The following NUMBL variants were observed in gnomAD, a reference collection of about 807,000 sequenced individuals.
NUMBL encodes the protein NUMB like endocytic adaptor protein.
A neutral mutation model predicts 48.9 loss-of-function variants in NUMBL; 20 were observed. That is an observed-to-expected ratio of 0.41 (90% CI 0.29 to 0.59). The LOEUF (loss-of-function observed/expected upper bound fraction) is 0.59. Among genes scored for constraint, NUMBL ranks in the 20% least tolerant of loss-of-function variants. NUMBL has a pLI of 0.31. For synonymous variants in NUMBL, 340 were observed against 348.7 expected (o/e 0.98, Z 0.28); for missense variants, 660 against 846.2 (o/e 0.78, Z 2.73).
rs1454600031 is a variant in NUMBL at position 40,673,336 on chromosome 19, G to A, written c.1036+8C>T. 1.2e-6 allele frequency: 2 copies of A among 1,605,406 alleles called. No homozygotes were observed. Among genetic ancestry groups the A allele is most frequent in the Admixed American group, 1.7e-5 (1 of 59,442 alleles). On this transcript the variant is annotated splice_region_variant and intron_variant, in intron 8 of 9. Transcript: ENST00000252891. The surrounding 1 kb of genome is among the most constrained non-coding windows in gnomAD (Gnocchi z 5.9). The stretch of plus-strand genomic sequence containing the variant: ...CCAACGCCGTTTCCCACTGGGCCCA[G>A]GGCTCACCTGTGCCCTTCACCTGGA...
chr19:40,667,393 G>C lies in NUMBL; in HGVS notation c.*75C>G. ...GAGGGGCGCAGCCCCAGGGAGCAGG[G>C]TTAGGGGAGAGGTTGTGCCTCCACC... On this transcript the variant is annotated 3_prime_UTR_variant, in exon 10 of 10. Coordinates refer to ENST00000252891, the MANE Select transcript of NUMBL (RefSeq NM_004756.5). This position sits in a 1 kb window ranked among gnomAD's most constrained non-coding sequence, Gnocchi z 6.1. 6.4e-7 allele frequency: 1 copy of C among 1,554,794 alleles called. No homozygotes were observed. Among genetic ancestry groups the C allele is most frequent in the Middle Eastern group, 2.2e-4 (1 of 4,504 alleles).
chr19:40,667,540 G>C lies in NUMBL; in HGVS notation c.1758C>G (p.Gly586=). ...PFEAQWAALE[G]KATVEKPSNP... is the part of the protein sequence containing the mutation. ...TGGAGGGTTTCTCTACAGTGGCTTT[G>C]CCTTCTAATGCCGCCCACTGGGCCT... Residue 586 remains glycine, a synonymous_variant, in exon 10 of 10, where the codon GGC becomes GGG. Transcript: ENST00000252891. The surrounding 1 kb of genome is among the most constrained non-coding windows in gnomAD (Gnocchi z 6.1). The C allele has an allele frequency of 6.4e-7, 1 of 1,568,898 alleles. No individual in the cohort carries two copies. Among genetic ancestry groups the C allele is most frequent in the Non-Finnish European group, 8.6e-7 (1 of 1,156,286 alleles).
In NUMBL at chr19:40,687,968, G is replaced by GC. The variant is rs1198150340; in HGVS notation, c.25-974dup. On this transcript the variant is annotated intron_variant, in intron 1 of 9. Transcript: ENST00000252891. This position sits in a 1 kb window ranked among gnomAD's most constrained non-coding sequence, Gnocchi z 4.6. The stretch of plus-strand genomic sequence containing the variant: ...TCATAGGTGCTCAAATCTGGTCACA[G>GC]CATCAGTCACACAGTCTATTGTGAC... 6.6e-6 allele frequency among the ~76,000 whole-genome samples: 1 copy of GC among 152,162 alleles called. No individual in the cohort carries two copies. The highest frequency in any genetic ancestry group is 2.4e-5 in the African/African-American group (1 of 41,422).
Position 40,684,631 on chromosome 19 carries a change from G to A in NUMBL, c.110-75C>T, listed in dbSNP as rs1599913494. On this transcript the variant is annotated intron_variant, in intron 2 of 9. Transcript: ENST00000252891. ...TGGAGCTCAACGGGGAGGGACCAGT[G>A]CTCAGGGAGCATGGGGTCAGATAAC... 6.0e-6 allele frequency: 9 copies of A among 1,507,114 alleles called. No homozygotes were observed. In the East Asian group the frequency reaches 2.2e-4, roughly 36 times the overall value. The allele number at this position is 1,507,114 out of a possible 1,614,324, so 93.4% of individuals were successfully genotyped here. A position where few individuals can be genotyped will look rare whatever the true frequency, so the allele number is the denominator to read the frequency against.
At chr19:40,681,962 C>T (rs2081907545) in intron 5 of NUMBL, among the ~76,000 whole-genome samples, 1 of 152,014 alleles carries the variant, frequency 6.6e-6, no homozygotes, top group Non-Finnish European at 1.5e-5. Context: ...CGTGAGCCAC[C>T]GTGCCCAGCC....
At position 40,690,329 on chromosome 19, in the gene NUMBL, C is replaced by T. The variant is rs1198049768; in HGVS notation, c.24+131G>A. ...TGGCTTGTTGGGCCTGTTCCTGGAC[C>T]CCCACCCGGGACCACCCTCTCCAGC... On this transcript the variant is annotated intron_variant, in intron 1 of 9. Transcript: ENST00000252891. 6.2e-6 allele frequency: 3 copies of T among 483,880 alleles called. No homozygotes were observed. The South Asian group carries it at 2.8e-4, about 46-fold the overall frequency. The allele number at this position is 483,880 out of a possible 1,614,324, so 30.0% of individuals were successfully genotyped here. A position where few individuals can be genotyped will look rare whatever the true frequency, so the allele number is the denominator to read the frequency against.
chr19:40,677,323 A>G lies in NUMBL; in HGVS notation c.639T>C (p.Asp213=). Residue 213 remains aspartate, a synonymous_variant, in exon 7 of 10, where the codon GAT becomes GAC. Transcript: ENST00000252891. ...EKECGVTAAF[D]ASRTSFAREG... The stretch of plus-strand genomic sequence containing the variant: ...CGCGGGCGAAGCTGGTGCGGCTGGC[A>G]TCGAAGGCGGCCGTGACCCCACATT... The G allele has an allele frequency of 6.2e-7, 1 of 1,611,970 alleles. No homozygotes were observed. Among genetic ancestry groups the G allele is most frequent in the South Asian group, 1.1e-5 (1 of 90,998 alleles).
Position 40,682,667 on chromosome 19 carries a change from C to T in NUMBL, c.399+61G>A, listed in dbSNP as rs1347589045. ...AGAGGAGGCGGGAAGGTGTCCTCCGCCCTGATTCCAGCAGGGTGAGCAGAC... is the reference window on the plus strand; with the variant it reads ...AGAGGAGGCGGGAAGGTGTCCTCCGTCCTGATTCCAGCAGGGTGAGCAGAC... On this transcript the variant is annotated intron_variant, in intron 5 of 9. Coordinates refer to ENST00000252891, the MANE Select transcript of NUMBL (RefSeq NM_004756.5). The surrounding 1 kb of genome is among the most constrained non-coding windows in gnomAD (Gnocchi z 4.0). 2 of 1,545,656 alleles carry T rather than the reference C, an allele frequency of 1.3e-6. No homozygotes were observed. Among genetic ancestry groups the T allele is most frequent in the Non-Finnish European group, 1.8e-6 (2 of 1,125,290 alleles).
Position 40,682,564 on chromosome 19 carries a change from C to T in NUMBL, c.399+164G>A, listed in dbSNP as rs2081910096. On this transcript the variant is annotated intron_variant, in intron 5 of 9. Transcript: ENST00000252891. This position sits in a 1 kb window ranked among gnomAD's most constrained non-coding sequence, Gnocchi z 4.0. ...CAGCCTATGCCAGTTCCCAAATAAT[C>T]ACAGCATTTATTCCTGAGTTATGAC... 2.0e-5 allele frequency among the ~76,000 whole-genome samples: 3 copies of T among 152,208 alleles called. No homozygotes were observed. The highest frequency in any genetic ancestry group is 2.0e-4 in the Admixed American group (3 of 15,278).
chr19:40,675,166 A>C (rs1446564541), intron 7 of NUMBL, among the ~76,000 whole-genome samples: 2 of 146,792 alleles, frequency 1.4e-5, no homozygotes, highest in Middle Eastern at 3.2e-3. Flanking sequence ...AAAAAAAAAA[A>C]AAAACTTAGC....
At chr19:40,678,926 A>G (rs2081891532) in intron 6 of NUMBL, among the ~76,000 whole-genome samples, 1 of 152,000 alleles carries the variant, frequency 6.6e-6, no homozygotes, top group Admixed American at 6.6e-5. Flanking sequence ...CCCCATCTCT[A>G]CTAAAAATAC....
rs1220024762 is a variant in NUMBL at position 40,682,679 on chromosome 19, C to A, written c.399+49G>T. The A allele has an allele frequency of 1.3e-6, 2 of 1,579,862 alleles. No homozygotes were observed. The highest frequency in any genetic ancestry group is 1.7e-6 in the Non-Finnish European group (2 of 1,153,236). On this transcript the variant is annotated intron_variant, in intron 5 of 9. Transcript: ENST00000252891. This position sits in a 1 kb window ranked among gnomAD's most constrained non-coding sequence, Gnocchi z 4.0. The stretch of plus-strand genomic sequence containing the variant: ...AAGGTGTCCTCCGCCCTGATTCCAG[C>A]AGGGTGAGCAGACAGGCCCCCTGGC...
chr19:40,680,814 A>C, intron 6 of NUMBL, 103 bp downstream of exon 6: 1 of 1,285,854 alleles, frequency 7.8e-7, no homozygotes, highest in Non-Finnish European at 1.1e-6. Context: ...GAAACTGGGC[A>C]CACAGAGGTT....
At position 40,673,852 on chromosome 19, in the gene NUMBL, GT is replaced by G. The variant is rs1474189601; in HGVS notation, c.731-204del. ...TTCCCCAGGAGGCTCTTGGAAAACC[GT>G]CCCCCAGGCTCACCCTCTGTGTCTC... On this transcript the variant is annotated intron_variant, in intron 7 of 9. Coordinates refer to ENST00000252891, the MANE Select transcript of NUMBL (RefSeq NM_004756.5). The surrounding 1 kb of genome is among the most constrained non-coding windows in gnomAD (Gnocchi z 5.9). 1.3e-5 allele frequency among the ~76,000 whole-genome samples: 2 copies of G among 151,810 alleles called. No homozygotes were observed. The highest frequency in any genetic ancestry group is 2.9e-5 in the Non-Finnish European group (2 of 67,974).
At chr19:40,677,169 C>T in intron 7 of NUMBL, 63 bp downstream of exon 7, 1 of 1,503,182 alleles carries the variant, frequency 6.7e-7, no homozygotes, top group Non-Finnish European at 9.0e-7. Context: ...CAGCTCCCTG[C>T]CCCCTGATAC....
intron 2 of NUMBL, 189 bp from the exon 3 acceptor site, chr19:40,684,745 A>G: frequency 2.5e-6 from 2 of 790,132 alleles, no homozygotes; most frequent in Non-Finnish European, 3.8e-6. Context: ...AAAGGAGCCA[A>G]CAGAAGCCAG....
intron 6 of NUMBL, among the ~76,000 whole-genome samples, chr19:40,680,659 G>GGGT (rs2081900262): frequency 6.6e-6 from 1 of 152,158 alleles, no homozygotes; most frequent in Non-Finnish European, 1.5e-5. Flanking sequence ...ATGTTGTCCA[G>GGGT]GGTGGTCTTG....
chr19:40,670,933 T>C (rs1254668467), intron 8 of NUMBL, among the ~76,000 whole-genome samples: 3 of 152,148 alleles, frequency 2.0e-5, no homozygotes, highest in Non-Finnish European at 4.4e-5. Flanking sequence ...GGGTGTGTGG[T>C]CTGTGAAGGT....
intron 9 of NUMBL, among the ~76,000 whole-genome samples, chr19:40,668,360 C>A (rs2081828224): frequency 6.6e-6 from 1 of 152,176 alleles, no homozygotes; most frequent in African/African-American, 2.4e-5. Context: ...ACATACAATT[C>A]TGAGCTTCTA....
Sources: gnomAD v4.1 joint callset for allele counts (sites outside exome capture counted in the v4.1 genomes callset) on GRCh38, gnomAD v4.1.1 for gene constraint, Gnocchi (gnomAD v3.1) non-coding constraint, MANE v1.5 for transcripts, NCBI Gene and HGNC (gene_info 2026-07-23, HGNC 2026-07-21) for gene names.